TFEB: variants seen among roughly 807,000 people sequenced by gnomAD.
TFEB encodes the protein T-cell transcription factor EB.
Under a neutral mutation model 48.0 loss-of-function variants are expected in TFEB, and 12 were observed. That is an observed-to-expected ratio of 0.25 (90% CI 0.16 to 0.40). The LOEUF (loss-of-function observed/expected upper bound fraction) is 0.40, where lower values mean the gene tolerates loss of function less well. Ranked by LOEUF, TFEB falls within the 10% of genes least tolerant of loss-of-function variation. TFEB has a pLI of 1.00. For synonymous variants in TFEB, 244 were observed against 261.4 expected (o/e 0.93, Z 0.64); for missense variants, 509 against 640.3 (o/e 0.79, Z 2.21).
At position 41,734,966 on chromosome 6, in the gene TFEB, C is replaced by G. The variant is rs991164292; in HGVS notation, c.-23+384G>C. 1.0e-6 allele frequency: 1 copy of G among 985,482 alleles called. No homozygotes were observed. The allele number at this position is 985,482 out of a possible 1,614,324, so 61.0% of individuals were successfully genotyped here. On this transcript the variant is annotated intron_variant, in intron 1 of 8. Transcript: ENST00000373033. This position sits in a 1 kb window ranked among gnomAD's most constrained non-coding sequence, Gnocchi z 4.0. ...GGTGGAGGGGGAGTGGGCGCGGGGCCCGCGCGTCCCTCAAACTTCTTGCGA... is the reference window on the plus strand; with the variant it reads ...GGTGGAGGGGGAGTGGGCGCGGGGCGCGCGCGTCCCTCAAACTTCTTGCGA...
At chr6:41,698,658 AG>A (rs1769738007) in intron 1 of TFEB, among the ~76,000 whole-genome samples, 1 of 152,198 alleles carries the variant, frequency 6.6e-6, no homozygotes, top group African/African-American at 2.4e-5. Flanking sequence ...TTACACTCTC[AG>A]TCGTGGGGGA....
At chr6:41,713,614 G>C (rs944618786) in intron 1 of TFEB, among the ~76,000 whole-genome samples, 1 of 152,172 alleles carries the variant, frequency 6.6e-6, no homozygotes, top group African/African-American at 2.4e-5. Flanking sequence ...GGAAGGAGGG[G>C]AGAACTCAGG....
At chr6:41,727,923 C>G (rs1051092021) in intron 1 of TFEB, among the ~76,000 whole-genome samples, 1 of 152,154 alleles carries the variant, frequency 6.6e-6, no homozygotes, top group Non-Finnish European at 1.5e-5. Flanking sequence ...GAAGGAAGGA[C>G]TTGTCCAGAA....
rs1490987947 is a variant in TFEB, at chr6:41,734,558, G to A, written c.-23+792C>T. Among the ~76,000 whole-genome samples the A allele has an allele frequency of 1.5e-5, 2 of 134,360 alleles. No individual in the cohort carries two copies. The allele number at this position is 134,360 out of a possible 152,430, so 88.1% of individuals were successfully genotyped here. A position where few individuals can be genotyped will look rare whatever the true frequency, so the allele number is the denominator to read the frequency against. ...AAGGGGGCGTGTTTTCCGGGATTCG[G>A]GACCGAGACGGGGGGAGGGGGAAAC... On this transcript the variant is annotated intron_variant, in intron 1 of 8. Transcript: ENST00000373033. The surrounding 1 kb of genome is among the most constrained non-coding windows in gnomAD (Gnocchi z 4.0).
rs1007643975 is a variant in TFEB, at chr6:41,734,954, T to A, written c.-23+396A>T. ...CCAGCCGTGTCCGGTGGAGGGGGAG[T>A]GGGCGCGGGGCCCGCGCGTCCCTCA... On this transcript the variant is annotated intron_variant, in intron 1 of 8. Coordinates refer to ENST00000373033, the MANE Select transcript of TFEB (RefSeq NM_001271944.2). The surrounding 1 kb of genome is among the most constrained non-coding windows in gnomAD (Gnocchi z 4.0). 9.6e-5 allele frequency: 94 copies of A among 984,174 alleles called. No individual in the cohort carries two copies. Among genetic ancestry groups the A allele is most frequent in the Non-Finnish European group, 1.1e-4 (94 of 829,664 alleles). The allele number at this position is 984,174 out of a possible 1,614,324, so 61.0% of individuals were successfully genotyped here.
chr6:41,687,648 G>C (rs776533220), intron 6 of TFEB, 105 bp downstream of exon 6: 5 of 1,446,606 alleles, frequency 3.5e-6, no homozygotes, highest in South Asian at 1.2e-5. Context: ...AATTGGCCTT[G>C]AGCAGGGAAG....
Position 41,734,857 on chromosome 6 carries a change from C to G in TFEB, c.-23+493G>C. 2.0e-6 allele frequency: 2 copies of G among 982,912 alleles called. No homozygotes were observed. The highest frequency in any genetic ancestry group is 2.4e-6 in the Non-Finnish European group (2 of 827,682). 60.9% of individuals were successfully genotyped at this position (982,912 alleles called of 1,614,324 possible). A position where few individuals can be genotyped will look rare whatever the true frequency, so the allele number is the denominator to read the frequency against. On this transcript the variant is annotated intron_variant, in intron 1 of 8. Transcript: ENST00000373033. This position sits in a 1 kb window ranked among gnomAD's most constrained non-coding sequence, Gnocchi z 4.0. The stretch of plus-strand genomic sequence containing the variant: ...GCGCCGCTCTGGCCCTCCCACTCCC[C>G]CCGCTGGCCTGGCCAGACTCAGCCC...
At position 41,687,739 on chromosome 6, in the gene TFEB, G is replaced by C. The variant is rs200862758; in HGVS notation, c.727+14C>G. 2 of 1,613,872 alleles carry C rather than the reference G, an allele frequency of 1.2e-6. No individual in the cohort carries two copies. Among genetic ancestry groups the C allele is most frequent in the Non-Finnish European group, 1.7e-6 (2 of 1,179,940 alleles). On this transcript the variant is annotated intron_variant, in intron 6 of 8. Coordinates refer to ENST00000373033, the MANE Select transcript of TFEB (RefSeq NM_001271944.2). ...GGAAGAGGGAGGCAGGGAGAGGGGC[G>C]GGGCAGGACTCACTTAAGTTGTGAT...
chr6:41,716,740 C>A (rs910656474), intron 1 of TFEB, among the ~76,000 whole-genome samples: 10 of 152,112 alleles, frequency 6.6e-5, no homozygotes, highest in Non-Finnish European at 1.2e-4. Context: ...AAAATAGACT[C>A]TATAATGAGT....
In TFEB at chr6:41,724,520, C is replaced by T. The variant is rs747703231; in HGVS notation, c.-23+10830G>A. On this transcript the variant is annotated intron_variant, in intron 1 of 8. Transcript: ENST00000373033. The surrounding 1 kb of genome is among the most constrained non-coding windows in gnomAD (Gnocchi z 4.4). Reference sequence around the variant, plus strand: ...AGGATGGACCCAGACTCTGGTCCAACCCTGGGCCTCCCTGGGCTGGCAAAT... The same window carrying T: ...AGGATGGACCCAGACTCTGGTCCAATCCTGGGCCTCCCTGGGCTGGCAAAT... 2.0e-5 allele frequency among the ~76,000 whole-genome samples: 3 copies of T among 151,948 alleles called. No homozygotes were observed. The highest frequency in any genetic ancestry group is 4.4e-5 in the Non-Finnish European group (3 of 67,952).
In TFEB at chr6:41,690,759, C is replaced by T. The variant is rs1469039992; in HGVS notation, c.372G>A (p.Gly124=). 1.9e-6 allele frequency: 3 copies of T among 1,610,018 alleles called. No homozygotes were observed. The highest frequency in any genetic ancestry group is 2.2e-5 in the South Asian group (2 of 90,664). ...SPKPPPAASP[G]VRAGHVLSSS... ...AGGACAGCACGTGTCCAGCTCGCAC[C>T]CCTGGGGAGGCGGCTGGTGGGGGTT... Residue 124 remains glycine, a synonymous_variant, in exon 3 of 9, where the codon GGG becomes GGA. Transcript: ENST00000373033.
At chr6:41,687,602 C>T (rs9462736) in intron 6 of TFEB, 151 bp downstream of exon 6, 298,831 of 922,880 alleles carry the variant, frequency 0.32, 50,323 homozygotes, top group Middle Eastern at 0.4. Flanking sequence ...CACCACTGAG[C>T]GACAGCAATG....
chr6:41,714,320 C>G (rs982586194), intron 1 of TFEB, among the ~76,000 whole-genome samples: 7 of 152,336 alleles, frequency 4.6e-5, no homozygotes, highest in African/African-American at 2.4e-5. Context: ...AAAGGGCCTT[C>G]GGAACCTGAG....
At chr6:41,704,456 CA>C (rs1770100793) in intron 1 of TFEB, among the ~76,000 whole-genome samples, 1 of 152,236 alleles carries the variant, frequency 6.6e-6, no homozygotes, top group Non-Finnish European at 1.5e-5. Flanking sequence ...ATGTGCCTAG[CA>C]CCTTGGAGGT....
Position 41,723,703 on chromosome 6 carries a change from T to C in TFEB, c.-23+11647A>G, listed in dbSNP as rs1443152233. On this transcript the variant is annotated intron_variant, in intron 1 of 8. Coordinates refer to ENST00000373033, the MANE Select transcript of TFEB (RefSeq NM_001271944.2). This position sits in a 1 kb window ranked among gnomAD's most constrained non-coding sequence, Gnocchi z 6.0. ...AGGGAACTGCGCCCCGACGGCACAG[T>C]CCCACACCGCAGCCTACCCAACACA... 2.4e-6 allele frequency: 1 copy of C among 416,898 alleles called. No homozygotes were observed. The highest frequency in any genetic ancestry group is 3.6e-5 in the Admixed American group (1 of 27,412). The allele number at this position is 416,898 out of a possible 1,614,324, so 25.8% of individuals were successfully genotyped here.
intron 1 of TFEB, among the ~76,000 whole-genome samples, chr6:41,693,248 A>G (rs1011884143): frequency 7.2e-5 from 11 of 152,228 alleles, no homozygotes; most frequent in African/African-American, 2.7e-4. Context: ...AAGAACTGGC[A>G]AATATTCAGT....
chr6:41,702,979 G>A (rs1020230203), intron 1 of TFEB, among the ~76,000 whole-genome samples: 1 of 152,222 alleles, frequency 6.6e-6, no homozygotes, highest in African/African-American at 2.4e-5. Context: ...GATGTGTGGA[G>A]GGCTGGTCCG....
intron 2 of TFEB, 24 bp downstream of exon 2, chr6:41,690,977 G>A (rs1312237585): frequency 6.4e-7 from 1 of 1,567,924 alleles, no homozygotes; most frequent in Non-Finnish European, 8.7e-7. Flanking sequence ...GACAGGGTGG[G>A]GGGCAGGCCA....
intron 1 of TFEB, among the ~76,000 whole-genome samples, chr6:41,711,749 A>T (rs1770488855): frequency 6.6e-6 from 1 of 152,220 alleles, no homozygotes; most frequent in African/African-American, 2.4e-5. Context: ...CCTGGAAAGT[A>T]AAACACAGGG....
Sources: gnomAD v4.1 joint callset for allele counts (sites outside exome capture counted in the v4.1 genomes callset) on GRCh38, gnomAD v4.1.1 for gene constraint, Gnocchi (gnomAD v3.1) non-coding constraint, MANE v1.5 for transcripts, NCBI Gene and HGNC (gene_info 2026-07-23, HGNC 2026-07-21) for gene names.